USP7: variants seen among roughly 807,000 people sequenced by gnomAD.
USP7 encodes ubiquitin specific peptidase 7.
Under a neutral mutation model 162.9 loss-of-function variants are expected in USP7, and 9 were observed. The ratio of observed to expected loss-of-function variants is 0.06; its 90% CI spans 0.03 to 0.10. USP7 has a LOEUF of 0.10. Among genes scored for constraint, USP7 ranks in the 10% least tolerant of loss-of-function variants. The pLI, the probability that USP7 is intolerant of heterozygous loss-of-function variation, is 1.00. For missense variants in USP7, 715 were observed against 1,373.7 expected, an observed-to-expected ratio of 0.52 and a Z score of 7.58; for synonymous variants, 562 against 475.9, an observed-to-expected ratio of 1.18 and a Z score of -2.35.
intron 1 of USP7, among the ~76,000 whole-genome samples, chr16:8,961,763 C>G (rs1394534422): frequency 6.6e-6 from 1 of 152,154 alleles, no homozygotes; most frequent in Non-Finnish European, 1.5e-5. Context: ...CAAAATACAG[C>G]ACAAAAGGAA....
rs565567296 is a variant in USP7 at position 8,893,562 on chromosome 16, T to C, written c.*436A>G. ...GCCTTAACAGATGCACAAAAGGTCA[T>C]TGAAAGTATAACTGAAGGAAATAGG... On this transcript the variant is annotated 3_prime_UTR_variant, in exon 31 of 31. Transcript: ENST00000344836. 4.7e-4 allele frequency: 78 copies of C among 165,910 alleles called. No individual in the cohort carries two copies. Among genetic ancestry groups the C allele is most frequent in the African/African-American group, 9.5e-4 (40 of 42,008 alleles). The allele number at this position is 165,910 out of a possible 1,614,324, so 10.3% of individuals were successfully genotyped here. A position where few individuals can be genotyped will look rare whatever the true frequency, so the allele number is the denominator to read the frequency against.
intron 1 of USP7, chr16:8,949,561 T>C (rs539957049): frequency 1.3e-5 from 2 of 152,276 alleles, no homozygotes; most frequent in African/African-American, 2.4e-5. Context: ...TACCTCCAAA[T>C]CCCCGAGCTC....
Position 8,899,588 on chromosome 16 carries a change from A to T in USP7, c.2463+16T>A, listed in dbSNP as rs535158717. ...TGGAGTGGGATCTGAAGAGGAAAGG[A>T]GCATTTATTAAATACCTGAAAATAA... is the stretch of plus-strand genomic sequence containing the variant. On this transcript the variant is annotated intron_variant, in intron 22 of 30. Transcript: ENST00000344836. The T allele has an allele frequency of 1.3e-5, 21 of 1,612,566 alleles. No individual in the cohort carries two copies. Among genetic ancestry groups the T allele is most frequent in the Admixed American group, 5.0e-5 (3 of 59,910 alleles).
At chr16:8,911,957 T>C (rs906427880) in intron 10 of USP7, among the ~76,000 whole-genome samples, 3 of 152,114 alleles carry the variant, frequency 2.0e-5, no homozygotes, top group African/African-American at 4.8e-5. Context: ...GAGACTCAGC[T>C]AACAACTGAA....
chr16:8,914,448 C>A (rs930486191), intron 10 of USP7, among the ~76,000 whole-genome samples: 1 of 152,118 alleles, frequency 6.6e-6, no homozygotes, highest in East Asian at 1.9e-4. Context: ...TAAGAATGGT[C>A]GATCTGCCTT....
chr16:8,942,551 G>A (rs779497079), intron 1 of USP7, among the ~76,000 whole-genome samples: 16 of 152,082 alleles, frequency 1.1e-4, no homozygotes, highest in South Asian at 2.1e-4. Context: ...TTTGGCTTAC[G>A]GCTTATTTAT....
chr16:8,897,820 G>C (rs2061712891), intron 25 of USP7, among the ~76,000 whole-genome samples: 1 of 147,988 alleles, frequency 6.8e-6, no homozygotes, highest in African/African-American at 2.5e-5. Flanking sequence ...GATCACTTGA[G>C]CCCAGGAGGT....
chr16:8,894,544 C>G lies in USP7; in HGVS notation c.3202+6G>C, dbSNP rs764533568. 8 of 1,611,554 alleles carry G rather than the reference C, an allele frequency of 5.0e-6. No homozygotes were observed. Among genetic ancestry groups the G allele is most frequent in the Non-Finnish European group, 6.8e-6 (8 of 1,179,904 alleles). On this transcript the variant is annotated splice_donor_region_variant and intron_variant, in intron 30 of 30. Transcript: ENST00000344836. ...CACCAGCCCCCGGGGGGGGGAGAAC[C>G]CTTACCGGGCTGTGGCTCAAAGTCT...
At chr16:8,909,587 T>G (rs1596365343) in intron 11 of USP7, among the ~76,000 whole-genome samples, 1 of 152,216 alleles carries the variant, frequency 6.6e-6, no homozygotes, top group African/African-American at 2.4e-5. Flanking sequence ...ACAGTAATTC[T>G]CGTCAACAGA....
chr16:8,937,899 A>T (rs141952247), intron 1 of USP7, among the ~76,000 whole-genome samples: 46 of 152,310 alleles, frequency 3.0e-4, no homozygotes, highest in African/African-American at 1.1e-3. Context: ...ATGTGGGAGC[A>T]AGAGGGGGAG....
intron 2 of USP7, chr16:8,929,381 T>C (rs1898192198): frequency 2.4e-6 from 1 of 425,130 alleles, no homozygotes; most frequent in Non-Finnish European, 4.7e-6. Context: ...TCCTCAGATA[T>C]TGCCTCAGCC....
chr16:8,933,243 T>C (rs760889556), intron 1 of USP7, among the ~76,000 whole-genome samples: 3 of 152,008 alleles, frequency 2.0e-5, no homozygotes, highest in Non-Finnish European at 4.4e-5. Flanking sequence ...CAGCTCCCAA[T>C]AGAATGTTAA....
chr16:8,934,113 G>T (rs1898542247), intron 1 of USP7, among the ~76,000 whole-genome samples: 2 of 152,142 alleles, frequency 1.3e-5, no homozygotes, highest in Non-Finnish European at 2.9e-5. Context: ...AACTTCCTTG[G>T]TTCAAACTTA....
At chr16:8,901,573 G>A (rs1026855240) in intron 18 of USP7, among the ~76,000 whole-genome samples, 1 of 152,138 alleles carries the variant, frequency 6.6e-6, no homozygotes, top group Non-Finnish European at 1.5e-5. Flanking sequence ...GATTGCGCAT[G>A]GTCTTGTGTC....
At chr16:8,901,373 TAAGGTACCTAA>T in intron 18 of USP7, 139 bp from the exon 19 acceptor site, 1 of 648,814 alleles carries the variant, frequency 1.5e-6, no homozygotes, top group African/African-American at 1.8e-5. Flanking sequence ...AATGACAGCT[TAAGGTACCTAA>T]AAGTTACTTC....
chr16:8,908,270 A>G (rs2141185806), intron 12 of USP7, 71 bp downstream of exon 12: 2 of 1,235,302 alleles, frequency 1.6e-6, no homozygotes, highest in East Asian at 2.3e-5. Context: ...AAGACTGAGG[A>G]AAGCACTGAG....
chr16:8,894,770 C>T lies in USP7; in HGVS notation c.3111+14G>A, dbSNP rs753643150. ...TATGGCCCGCCAAGCCCCCAGGAGGCCCCAGCTGCACACCTTCTCAAACTC... is the reference window on the plus strand; with the variant it reads ...TATGGCCCGCCAAGCCCCCAGGAGGTCCCAGCTGCACACCTTCTCAAACTC... On this transcript the variant is annotated intron_variant, in intron 29 of 30. Transcript: ENST00000344836. The T allele has an allele frequency of 6.2e-7, 1 of 1,614,246 alleles. No homozygotes were observed. The highest frequency in any genetic ancestry group is 8.5e-7 in the Non-Finnish European group (1 of 1,180,036).
At chr16:8,938,590 T>C (rs911195489) in intron 1 of USP7, among the ~76,000 whole-genome samples, 18 of 151,868 alleles carry the variant, frequency 1.2e-4, no homozygotes, top group Non-Finnish European at 2.5e-4. Flanking sequence ...CAGGCACCTG[T>C]AGTCCCAGCT....
chr16:8,909,161 C>G (rs2061904762), intron 11 of USP7, among the ~76,000 whole-genome samples: 1 of 152,232 alleles, frequency 6.6e-6, no homozygotes. Flanking sequence ...TATCACTGCT[C>G]CATCTTGGCC....
Sources: gnomAD v4.1 joint callset for allele counts (sites outside exome capture counted in the v4.1 genomes callset) on GRCh38, gnomAD v4.1.1 for gene constraint, MANE v1.5 for transcripts, NCBI Gene and HGNC (gene_info 2026-07-23, HGNC 2026-07-21) for gene names.